Variants in HDAC9 observed in about 807,000 individuals in gnomAD.
The protein encoded by HDAC9 is MEF-2 interacting transcription repressor (MITR) protein.
Under a neutral mutation model 139.4 loss-of-function variants are expected in HDAC9, and 41 were observed. The ratio of observed to expected loss-of-function variants is 0.29; its 90% CI spans 0.23 to 0.38. The LOEUF is 0.38. Among genes scored for constraint, HDAC9 ranks in the 10% least tolerant of loss-of-function variants. The pLI, the probability that HDAC9 is intolerant of heterozygous loss-of-function variation, is 1.00. For missense variants in HDAC9, 1,147 were observed against 1,297.0 expected (o/e 0.88, Z 1.78); for synonymous variants, 517 against 476.2 (o/e 1.09, Z -1.12).
chr7:18,863,069 GAGAGGAA>G (rs1467734962), intron 21 of HDAC9, among the ~76,000 whole-genome samples: 27 of 152,310 alleles, frequency 1.8e-4, no homozygotes, highest in African/African-American at 6.5e-4. Context: ...AGCTGGACAA[GAGAGGAA>G]AGGACGATTT....
intron 23 of HDAC9, among the ~76,000 whole-genome samples, chr7:18,953,219 C>T (rs572570043): frequency 6.6e-6 from 1 of 152,144 alleles, no homozygotes; most frequent in East Asian, 1.9e-4. Context: ...AGATGATTAA[C>T]CTTAATGTTT....
At chr7:18,332,792 T>C (rs1781291675) in intron 1 of HDAC9, among the ~76,000 whole-genome samples, 1 of 151,524 alleles carries the variant, frequency 6.6e-6, no homozygotes, top group Non-Finnish European at 1.5e-5. Context: ...TTCAGTAGAC[T>C]GTGAGCTAAT....
At chr7:18,541,654 A>G (rs1418364170) in intron 2 of HDAC9, among the ~76,000 whole-genome samples, 1 of 152,248 alleles carries the variant, frequency 6.6e-6, no homozygotes, top group Non-Finnish European at 1.5e-5. Flanking sequence ...TTGTTGGAAC[A>G]GAAACAGGAA....
intron 2 of HDAC9, among the ~76,000 whole-genome samples, chr7:18,175,927 TAGTTCCACTGGAA>T (rs1183717814): frequency 2.0e-5 from 3 of 152,172 alleles, no homozygotes; most frequent in Non-Finnish European, 4.4e-5. Context: ...ACCAGTAATG[TAGTTCCACTGGAA>T]AGTGTTCTGG....
At chr7:18,956,173 C>G (rs1783130743) in intron 24 of HDAC9, among the ~76,000 whole-genome samples, 1 of 152,078 alleles carries the variant, frequency 6.6e-6, no homozygotes, top group Non-Finnish European at 1.5e-5. Flanking sequence ...GCCCCAAAGT[C>G]TATTTTACAC....
intron 14 of HDAC9, 103 bp from the exon 15 acceptor site, chr7:18,762,054 T>G (rs1320031508): frequency 1.1e-5 from 14 of 1,235,850 alleles, no homozygotes; most frequent in African/African-American, 3.0e-5. Context: ...TCCTACATGA[T>G]GAAATTCAGC....
At chr7:18,459,791 C>T (rs1586060749) in intron 1 of HDAC9, among the ~76,000 whole-genome samples, 1 of 152,252 alleles carries the variant, frequency 6.6e-6, no homozygotes, top group African/African-American at 2.4e-5. Context: ...GGTTTTCTTA[C>T]AGCTTTTCTT....
intron 17 of HDAC9, among the ~76,000 whole-genome samples, chr7:18,827,195 A>G (rs1795513547): frequency 6.6e-6 from 1 of 152,036 alleles, no homozygotes; most frequent in African/African-American, 2.4e-5. Context: ...TAACACTTCA[A>G]AAATTTACAT....
At chr7:18,496,081 G>T (rs936721980) in intron 1 of HDAC9, 58 bp downstream of exon 1, 9 of 1,424,634 alleles carry the variant, frequency 6.3e-6, no homozygotes, top group Non-Finnish European at 7.4e-6. Flanking sequence ...CATTTGAGCA[G>T]AAAGGAAATC....
At chr7:18,868,224 G>C (rs1798639803) in intron 21 of HDAC9, among the ~76,000 whole-genome samples, 1 of 152,096 alleles carries the variant, frequency 6.6e-6, no homozygotes, top group South Asian at 2.1e-4. Context: ...GTATAAATGG[G>C]TCAATTGAGT....
At chr7:18,763,321 A>T (rs17139867) in intron 15 of HDAC9, among the ~76,000 whole-genome samples, 4 of 152,154 alleles carry the variant, frequency 2.6e-5, no homozygotes, top group African/African-American at 9.7e-5. Context: ...CATCTCTTAA[A>T]TTTATGAAGT....
rs1786232211 is a variant in HDAC9 at position 18,732,669 on chromosome 7, A to ATACACACACACGTG, written c.1909+4914_1909+4915insCACACACACGTGTA. On this transcript the variant is annotated intron_variant, in intron 13 of 25. Transcript: ENST00000686413. ...TGTGTATATATACACACACACGTGTATATGTGTGCGTATGTGTACACACAC... is the reference window on the plus strand; with the variant it reads ...TGTGTATATATACACACACACGTGTATACACACACACGTGTATGTGTGCGTATGTGTACACACAC... Among the ~76,000 whole-genome samples the ATACACACACACGTG allele has an allele frequency of 4.0e-5, 5 of 123,620 alleles. 1 individual carries two copies. Among genetic ancestry groups the ATACACACACACGTG allele is most frequent in the South Asian group, 2.5e-4 (1 of 3,996 alleles). The allele number at this position is 123,620 out of a possible 152,430, so 81.1% of individuals were successfully genotyped here.
rs375268598 is a variant in HDAC9, at chr7:18,593,406, C to G, written c.543-502C>G. On this transcript the variant is annotated intron_variant, in intron 5 of 25. Coordinates refer to ENST00000686413, the MANE Select transcript of HDAC9 (RefSeq NM_178425.4). Reference sequence around the variant, plus strand: ...TCCCCATTCTTTACTACTGAAACTGCCCCAGAAGTCAGGAGATGGGAGTCC... The same window carrying G: ...TCCCCATTCTTTACTACTGAAACTGGCCCAGAAGTCAGGAGATGGGAGTCC... Among the ~76,000 whole-genome samples, 5 of 152,168 alleles carry G rather than the reference C, an allele frequency of 3.3e-5. No individual in the cohort carries two copies. In the East Asian group the frequency reaches 7.7e-4, roughly 23 times the overall value.
intron 13 of HDAC9, among the ~76,000 whole-genome samples, chr7:18,737,811 C>T (rs1469963357): frequency 1.3e-5 from 2 of 152,084 alleles, no homozygotes; most frequent in Non-Finnish European, 2.9e-5. Flanking sequence ...TCCTGGATAT[C>T]CTTCTTAACC....
intron 17 of HDAC9, among the ~76,000 whole-genome samples, chr7:18,819,752 C>T (rs537012353): frequency 1.3e-5 from 2 of 152,174 alleles, no homozygotes; most frequent in South Asian, 2.1e-4. Context: ...AAAATACTGC[C>T]AAAGTTCTAT....
chr7:18,811,215 T>C (rs1338648710), intron 17 of HDAC9, among the ~76,000 whole-genome samples: 1 of 151,824 alleles, frequency 6.6e-6, no homozygotes, highest in African/African-American at 2.4e-5. Context: ...TTTGTTAATA[T>C]TCGTTACTTT....
intron 1 of HDAC9, among the ~76,000 whole-genome samples, chr7:18,343,914 C>T (rs1006608811): frequency 6.6e-6 from 1 of 151,774 alleles, no homozygotes; most frequent in South Asian, 2.1e-4. Flanking sequence ...TAATACATAG[C>T]CTAGTCTAGT....
chr7:18,902,786 G>A (rs554237607), intron 22 of HDAC9, among the ~76,000 whole-genome samples: 1 of 152,180 alleles, frequency 6.6e-6, no homozygotes, highest in African/African-American at 2.4e-5. Flanking sequence ...CTGAGGAATG[G>A]AAAAGTTTGG....
chr7:18,351,689 A>G (rs1026582190), intron 1 of HDAC9, among the ~76,000 whole-genome samples: 1 of 152,212 alleles, frequency 6.6e-6, no homozygotes, highest in African/African-American at 2.4e-5. Context: ...AAAAAGGTGA[A>G]TGATAGTAAA....
Sources: allele counts gnomAD v4.1 joint callset (sites outside exome capture counted in the v4.1 genomes callset), GRCh38; gene constraint gnomAD v4.1.1; transcripts MANE v1.5; gene names NCBI Gene and HGNC (gene_info 2026-07-23, HGNC 2026-07-21).